GSTCD: variants seen among roughly 807,000 people sequenced by gnomAD.
The protein encoded by GSTCD is glutathione S-transferase C-terminal domain-containing protein.
GSTCD carries 44 observed loss-of-function variants against 68.3 expected under a neutral mutation model. The observed-to-expected ratio is 0.64, with a 90% CI of 0.51 to 0.83. The LOEUF (loss-of-function observed/expected upper bound fraction) is 0.83. Ranked by LOEUF, GSTCD falls within the 40% of genes least tolerant of loss-of-function variation. The probability of loss-of-function intolerance (pLI) is 0.00; values close to 1 mark genes in which losing one functional copy is unlikely to be tolerated. For synonymous variants in GSTCD, 273 were observed against 255.2 expected, an observed-to-expected ratio of 1.07 and a Z score of -0.67; for missense variants, 739 against 735.9, an observed-to-expected ratio of 1.00 and a Z score of -0.05.
intron 5 of GSTCD, among the ~76,000 whole-genome samples, chr4:105,730,934 G>A (rs1408664874): frequency 6.6e-6 from 1 of 152,124 alleles, no homozygotes; most frequent in African/African-American, 2.4e-5. Context: ...TGTAAGGAAG[G>A]GATCGAGTTT....
At chr4:105,785,021 CCTT>C (rs1328007092) in intron 5 of GSTCD, among the ~76,000 whole-genome samples, 5 of 152,062 alleles carry the variant, frequency 3.3e-5, no homozygotes, top group African/African-American at 1.2e-4. Flanking sequence ...TGCTTTTAGG[CCTT>C]CTCAGTGGAC....
chr4:105,805,861 C>A (rs1444458982), intron 5 of GSTCD, among the ~76,000 whole-genome samples: 1 of 152,010 alleles, frequency 6.6e-6, no homozygotes, highest in Non-Finnish European at 1.5e-5. Context: ...ATTGTTATTA[C>A]ATGTATGAAA....
chr4:105,740,660 T>A (rs1733603683), intron 5 of GSTCD, among the ~76,000 whole-genome samples: 1 of 152,180 alleles, frequency 6.6e-6, no homozygotes, highest in South Asian at 2.1e-4. Context: ...AAGTTACCTT[T>A]TATCATCTTC....
chr4:105,786,471 C>T lies in GSTCD; in HGVS notation c.1241-36483C>T, dbSNP rs77692253. Among the ~76,000 whole-genome samples the T allele has an allele frequency of 8.9e-3, 1,342 of 150,992 alleles. 32 individuals carry two copies. The highest frequency in any genetic ancestry group is 0.031 in the African/African-American group (1,265 of 40,898). ...AGGTTGCAGTGAACCGCAGACTGCGCGCCACTGCACTCTGCCCTGGGCAAC... is the reference window on the plus strand; with the variant it reads ...AGGTTGCAGTGAACCGCAGACTGCGTGCCACTGCACTCTGCCCTGGGCAAC... On this transcript the variant is annotated intron_variant, in intron 5 of 11. Coordinates refer to ENST00000515279, the MANE Select transcript of GSTCD (RefSeq NM_001370181.1).
chr4:105,733,477 A>G (rs1263371716), intron 5 of GSTCD, among the ~76,000 whole-genome samples: 1 of 152,170 alleles, frequency 6.6e-6, no homozygotes, highest in East Asian at 1.9e-4. Flanking sequence ...TTGTTGGTTT[A>G]AAGTCTGTTT....
intron 5 of GSTCD, among the ~76,000 whole-genome samples, chr4:105,777,089 C>T (rs1034229086): frequency 6.6e-6 from 1 of 152,152 alleles, no homozygotes; most frequent in African/African-American, 2.4e-5. Flanking sequence ...TTTCTTCATG[C>T]AATGGGAGTT....
intron 11 of GSTCD, among the ~76,000 whole-genome samples, chr4:105,843,216 C>T: frequency 6.6e-6 from 1 of 152,180 alleles, no homozygotes; most frequent in East Asian, 1.9e-4. Context: ...AGACCTGAGA[C>T]CTGAGACTCA....
At chr4:105,771,645 G>A (rs1489813987) in intron 5 of GSTCD, among the ~76,000 whole-genome samples, 3 of 152,160 alleles carry the variant, frequency 2.0e-5, no homozygotes, top group Non-Finnish European at 2.9e-5. Context: ...CCCATTGCTT[G>A]TTTTTGTCAG....
At chr4:105,804,501 G>A (rs1468073413) in intron 5 of GSTCD, among the ~76,000 whole-genome samples, 1 of 152,028 alleles carries the variant, frequency 6.6e-6, no homozygotes, top group Non-Finnish European at 1.5e-5. Context: ...AATTACCTGA[G>A]GGCATTGTAG....
intron 3 of GSTCD, among the ~76,000 whole-genome samples, chr4:105,723,918 G>T (rs771128277): frequency 6.3e-4 from 95 of 151,698 alleles, no homozygotes; most frequent in East Asian, 1.4e-3. Flanking sequence ...CACTCAACAG[G>T]GTATTATTTG....
chr4:105,822,269 T>C (rs934501530), intron 5 of GSTCD, among the ~76,000 whole-genome samples: 11 of 152,028 alleles, frequency 7.2e-5, no homozygotes, highest in Middle Eastern at 3.2e-3. Flanking sequence ...AAATGCCCTA[T>C]CCTGAATCTC....
At position 105,847,020 on chromosome 4, in the gene GSTCD, TTTTA is replaced by T. The variant is rs1163257255; in HGVS notation, c.*1449_*1452del. On this transcript the variant is annotated 3_prime_UTR_variant, in exon 12 of 12. Transcript: ENST00000515279. Reference sequence around the variant, plus strand: ...GATTTGTTATTCAGATGTCAATCATTTTTATTTATATATTTCTGGGTAAAACTTA... The same window carrying T: ...GATTTGTTATTCAGATGTCAATCATTTTTATATATTTCTGGGTAAAACTTA... The T allele has an allele frequency of 1.3e-5, 2 of 152,172 alleles. No homozygotes were observed. The highest frequency in any genetic ancestry group is 2.4e-5 in the African/African-American group (1 of 41,450). 9.4% of individuals were successfully genotyped at this position (152,172 alleles called of 1,614,324 possible).
intron 10 of GSTCD, among the ~76,000 whole-genome samples, chr4:105,838,091 A>AT (rs1437072610): frequency 6.6e-6 from 1 of 152,198 alleles, no homozygotes; most frequent in African/African-American, 2.4e-5. Context: ...AGGGTCTGAG[A>AT]TTTTAACTCT....
intron 5 of GSTCD, among the ~76,000 whole-genome samples, chr4:105,767,152 A>T (rs1734647964): frequency 6.6e-6 from 1 of 152,126 alleles, no homozygotes; most frequent in Admixed American, 6.5e-5. Flanking sequence ...TGAGGAACAG[A>T]AACAGCTAGA....
At chr4:105,712,196 A>C (rs1732558747) in intron 1 of GSTCD, among the ~76,000 whole-genome samples, 1 of 152,212 alleles carries the variant, frequency 6.6e-6, no homozygotes, top group Non-Finnish European at 1.5e-5. Flanking sequence ...AGAGCTATGA[A>C]GAAAAAGGGA....
At chr4:105,775,175 G>T (rs1735006025) in intron 5 of GSTCD, among the ~76,000 whole-genome samples, 1 of 152,064 alleles carries the variant, frequency 6.6e-6, no homozygotes, top group Non-Finnish European at 1.5e-5. Flanking sequence ...GCGTCACAAA[G>T]TTCTTGTGCT....
chr4:105,808,919 G>A (rs574253151), intron 5 of GSTCD, among the ~76,000 whole-genome samples: 14 of 152,124 alleles, frequency 9.2e-5, no homozygotes, highest in Non-Finnish European at 1.3e-4. Context: ...TGATCAGATC[G>A]ACAGCTGCAA....
chr4:105,773,007 G>A (rs912131645), intron 5 of GSTCD, among the ~76,000 whole-genome samples: 2 of 151,980 alleles, frequency 1.3e-5, no homozygotes, highest in African/African-American at 4.8e-5. Flanking sequence ...TTGGTTGGTA[G>A]GCTATTAATT....
intron 8 of GSTCD, among the ~76,000 whole-genome samples, chr4:105,833,463 CA>C (rs766230415): frequency 0.014 from 1,796 of 129,066 alleles, 31 homozygotes; most frequent in African/African-American, 0.041. Flanking sequence ...AACTCTGTCT[CA>C]AAAAAAAAAA....
Sources: gnomAD v4.1 joint callset for allele counts (sites outside exome capture counted in the v4.1 genomes callset) on GRCh38, gnomAD v4.1.1 for gene constraint, MANE v1.5 for transcripts, NCBI Gene and HGNC (gene_info 2026-07-23, HGNC 2026-07-21) for gene names.